Variants in PPEF1 observed in about 807,000 individuals in gnomAD.
The protein encoded by PPEF1 is serine/threonine-protein phosphatase with EF-hands 1.
A neutral mutation model predicts 53.3 loss-of-function variants in PPEF1; 12 were observed. The observed-to-expected ratio is 0.23, with a 90% CI of 0.14 to 0.36. The LOEUF is 0.36. Ranked by LOEUF, PPEF1 falls within the 10% of genes least tolerant of loss-of-function variation. The pLI is 1.00. For synonymous variants in PPEF1, 165 were observed against 176.7 expected (o/e 0.93, Z 0.52); for missense variants, 334 against 490.4 (o/e 0.68, Z 3.01).
At chrX:18,769,405 A>G (rs1375350315) in intron 6 of PPEF1, among the ~76,000 whole-genome samples, 1 of 112,162 alleles carries the variant, frequency 8.9e-6, no homozygotes, top group Non-Finnish European at 1.9e-5. Context: ...CCTCAGCTTT[A>G]GTAAAATTAC....
intron 3 of PPEF1, among the ~76,000 whole-genome samples, chrX:18,738,053 A>C (rs908127128): frequency 2.7e-5 from 3 of 110,578 alleles, no homozygotes; most frequent in African/African-American, 9.9e-5. Context: ...AATACAGCAC[A>C]CTGATGGGTC....
intron 15 of PPEF1, 80 bp downstream of exon 15, chrX:18,825,915 T>A: frequency 1.5e-6 from 1 of 667,564 alleles, no homozygotes; most frequent in Non-Finnish European, 2.3e-6. Context: ...GAGTACACTT[T>A]GATTGAGCCC....
chrX:18,694,822 G>T (rs1327907256), intron 4 of PPEF1, among the ~76,000 whole-genome samples: 2 of 111,808 alleles, frequency 1.8e-5, no homozygotes, highest in African/African-American at 6.5e-5. Flanking sequence ...CTTGAATCTG[G>T]CCTGGAGGAA....
chrX:18,770,434 A>C (rs1306582121), intron 6 of PPEF1, among the ~76,000 whole-genome samples: 3 of 111,830 alleles, frequency 2.7e-5, no homozygotes, highest in Admixed American at 9.5e-5. Context: ...TTCAGTATAC[A>C]TTCAGGACTC....
chrX:18,805,688 C>A (rs1282065698), intron 11 of PPEF1, among the ~76,000 whole-genome samples: 1 of 109,234 alleles, frequency 9.2e-6, no homozygotes, highest in Admixed American at 9.8e-5. Context: ...ACTAAAAATA[C>A]AAAAATTAGC....
chrX:18,809,296 T>C (rs948079073), intron 12 of PPEF1, among the ~76,000 whole-genome samples: 2 of 110,630 alleles, frequency 1.8e-5, no homozygotes, highest in Non-Finnish European at 3.8e-5. Flanking sequence ...AAATTACTTA[T>C]AATACCGAAT....
At chrX:18,740,577 T>G (rs1221168965) in intron 3 of PPEF1, among the ~76,000 whole-genome samples, 1 of 110,100 alleles carries the variant, frequency 9.1e-6, no homozygotes, top group Non-Finnish European at 1.9e-5. Context: ...ACCCAGCTAA[T>G]TTTTTGTATT....
At chrX:18,725,098 G>A (rs766671779) in intron 1 of PPEF1, among the ~76,000 whole-genome samples, 5 of 111,178 alleles carry the variant, frequency 4.5e-5, no homozygotes, top group African/African-American at 6.5e-5. Flanking sequence ...TAATGACGGC[G>A]TGCGTTGGAG....
chrX:18,812,814 G>A (rs1203067007), intron 12 of PPEF1, among the ~76,000 whole-genome samples: 1 of 110,322 alleles, frequency 9.1e-6, no homozygotes, highest in East Asian at 2.8e-4. Context: ...AGTCACCCAG[G>A]CTGGAGTGCA....
upstream of PPEF1, among the ~76,000 whole-genome samples, chrX:18,679,516 A>G (rs1240262021): frequency 8.9e-6 from 1 of 111,793 alleles, no homozygotes; most frequent in Non-Finnish European, 1.9e-5. Flanking sequence ...ACCACCTGCA[A>G]GATCTATCTA....
At chrX:18,694,203 G>A (rs184606088) in intron 4 of PPEF1, among the ~76,000 whole-genome samples, 18 of 111,881 alleles carry the variant, frequency 1.6e-4, no homozygotes, top group African/African-American at 5.8e-4. Flanking sequence ...GACACTCACG[G>A]AAGGACATTT....
At chrX:18,785,171 C>A (rs2046173884) in intron 9 of PPEF1, among the ~76,000 whole-genome samples, 1 of 111,564 alleles carries the variant, frequency 9.0e-6, no homozygotes, top group Admixed American at 9.5e-5. Flanking sequence ...TGGTATCCTC[C>A]CATCTTTTTA....
chrX:18,785,578 TA>T (rs1391130517), intron 9 of PPEF1, among the ~76,000 whole-genome samples: 137 of 103,040 alleles, frequency 1.3e-3, no homozygotes, highest in African/African-American at 1.8e-3. Context: ...CCTTTTACTC[TA>T]AAAAAAAAAA....
At chrX:18,683,853 G>A (rs1284511753) in intron 1 of PPEF1, among the ~76,000 whole-genome samples, 2 of 112,249 alleles carry the variant, frequency 1.8e-5, no homozygotes, top group African/African-American at 6.5e-5. Context: ...GAAGAAGAAA[G>A]CTGCATGGCT....
intron 6 of PPEF1, among the ~76,000 whole-genome samples, chrX:18,769,930 G>T (rs952637787): frequency 8.9e-6 from 1 of 111,748 alleles, no homozygotes; most frequent in Non-Finnish European, 1.9e-5. Flanking sequence ...GGAAATAGGC[G>T]AGACTGTGGG....
At chrX:18,693,660 G>A (rs1369246967) in intron 4 of PPEF1, among the ~76,000 whole-genome samples, 5 of 111,946 alleles carry the variant, frequency 4.5e-5, no homozygotes, top group African/African-American at 1.3e-4. Context: ...TCCGCCTCCC[G>A]GGTTCAAGGG....
At chrX:18,820,933 C>T (rs1045655176) in intron 13 of PPEF1, among the ~76,000 whole-genome samples, 1 of 110,322 alleles carries the variant, frequency 9.1e-6, no homozygotes, top group Non-Finnish European at 1.9e-5. Flanking sequence ...AGAAATAATC[C>T]TTGGCTCCGG....
upstream of PPEF1, among the ~76,000 whole-genome samples, chrX:18,706,077 C>T (rs2044188825): frequency 9.3e-6 from 1 of 107,506 alleles, no homozygotes; most frequent in African/African-American, 3.4e-5. Context: ...AGACCAGCCT[C>T]GGCAACATAG....
chrX:18,807,322 C>T (rs972595049), intron 12 of PPEF1, among the ~76,000 whole-genome samples: 19 of 111,952 alleles, frequency 1.7e-4, no homozygotes, highest in African/African-American at 4.9e-4. Flanking sequence ...TGAGCCACTG[C>T]GCCCGGTCTA....
Sources: allele counts gnomAD v4.1 joint callset (sites outside exome capture counted in the v4.1 genomes callset), GRCh38; gene constraint gnomAD v4.1.1; transcripts MANE v1.5; gene names NCBI Gene and HGNC (gene_info 2026-07-23, HGNC 2026-07-21).